SYNPR: variants seen among roughly 807,000 people sequenced by gnomAD.
SYNPR encodes synaptoporin.
In SYNPR, 23 loss-of-function variants were observed where a neutral mutation model predicts 32.9. That is an observed-to-expected ratio of 0.70 (90% CI 0.50 to 0.99). The LOEUF (loss-of-function observed/expected upper bound fraction) is 0.99, where lower values mean the gene tolerates loss of function less well. SYNPR is among the 50% of genes least tolerant of loss of function. SYNPR has a pLI of 0.00. For missense variants in SYNPR, 318 were observed against 349.3 expected (o/e 0.91, Z 0.71); for synonymous variants, 146 against 135.9 (o/e 1.07, Z -0.52).
At chr3:63,534,076 T>G (rs1702158619) in intron 3 of SYNPR, among the ~76,000 whole-genome samples, 1 of 152,206 alleles carries the variant, frequency 6.6e-6, no homozygotes, top group East Asian at 1.9e-4. Context: ...AACTTGAAGT[T>G]CAAGTACAAC....
intron 3 of SYNPR, among the ~76,000 whole-genome samples, chr3:63,518,420 C>T (rs1701839677): frequency 6.6e-6 from 1 of 151,958 alleles, no homozygotes; most frequent in South Asian, 2.1e-4. Context: ...TAACTGTGTC[C>T]CAGGCCTGGA....
intron 3 of SYNPR, among the ~76,000 whole-genome samples, chr3:63,511,020 A>G (rs1362653738): frequency 6.6e-6 from 1 of 151,100 alleles, no homozygotes; most frequent in Non-Finnish European, 1.5e-5. Flanking sequence ...TTGAAATGCA[A>G]ATTGCTGGAC....
At chr3:63,375,584 G>T (rs2087879002) in intron 2 of SYNPR, among the ~76,000 whole-genome samples, 1 of 152,096 alleles carries the variant, frequency 6.6e-6, no homozygotes, top group Non-Finnish European at 1.5e-5. Flanking sequence ...AGTAGGGGCT[G>T]GGGGAGGGAT....
At chr3:63,310,468 C>T (rs1472590206) in intron 2 of SYNPR, among the ~76,000 whole-genome samples, 1 of 151,932 alleles carries the variant, frequency 6.6e-6, no homozygotes, top group East Asian at 1.9e-4. Context: ...TTGGAAATCT[C>T]ATACTTTTAA....
the SYNPR span, among the ~76,000 whole-genome samples, chr3:63,202,578 T>G: frequency 0.79 from 120,004 of 152,066 alleles, 47,920 homozygotes; most frequent in Middle Eastern, 0.86. Flanking sequence ...CAAAAGTGGG[T>G]TGAGGATATG....
intron 3 of SYNPR, among the ~76,000 whole-genome samples, chr3:63,270,882 TCCTTCCTTCCTTCC>T (rs2086528490): frequency 5.5e-5 from 5 of 90,116 alleles, no homozygotes; most frequent in African/African-American, 1.9e-4. Context: ...CTTCCTTCCT[TCCTTCCTTCCTTCC>T]TTTTCTTTCC....
At chr3:63,240,752 G>A (rs566537387) in intron 1 of SYNPR, among the ~76,000 whole-genome samples, 1 of 152,224 alleles carries the variant, frequency 6.6e-6, no homozygotes, top group South Asian at 2.1e-4. Flanking sequence ...CATACTCTTT[G>A]TGTGAGTGAG....
At chr3:63,511,317 T>G (rs1178954996) in intron 3 of SYNPR, among the ~76,000 whole-genome samples, 3 of 152,086 alleles carry the variant, frequency 2.0e-5, no homozygotes, top group African/African-American at 7.2e-5. Context: ...GGAGTTCATA[T>G]CCAGCATAGT....
upstream of SYNPR, chr3:63,278,114 A>G (rs567496956): frequency 6.1e-6 from 1 of 162,706 alleles, no homozygotes; most frequent in South Asian, 2.0e-4. Flanking sequence ...TCCCAAACCA[A>G]CAGACCCAAA....
chr3:63,273,266 C>T (rs557168786), intron 3 of SYNPR, among the ~76,000 whole-genome samples: 160 of 152,170 alleles, frequency 1.1e-3, no homozygotes, highest in African/African-American at 3.2e-3. Flanking sequence ...TGGAAAGTTA[C>T]GGGAGTAGGA....
At chr3:63,475,645 T>G (rs954249152) in intron 2 of SYNPR, among the ~76,000 whole-genome samples, 4 of 152,156 alleles carry the variant, frequency 2.6e-5, no homozygotes, top group African/African-American at 9.7e-5. Flanking sequence ...AACTTGCTTA[T>G]AGTATTACAG....
chr3:63,225,728 T>C (rs970660603), upstream of SYNPR, among the ~76,000 whole-genome samples: 1 of 152,146 alleles, frequency 6.6e-6, no homozygotes, highest in Non-Finnish European at 1.5e-5. Flanking sequence ...ACAATTCCTA[T>C]TGGACATTGG....
At chr3:63,537,051 C>T (rs1345083346) in intron 3 of SYNPR, among the ~76,000 whole-genome samples, 1 of 151,968 alleles carries the variant, frequency 6.6e-6, no homozygotes, top group Non-Finnish European at 1.5e-5. Context: ...TACTAAAACT[C>T]TGTGAATACA....
chr3:63,410,052 T>A (rs1191295223), intron 2 of SYNPR, among the ~76,000 whole-genome samples: 2 of 152,122 alleles, frequency 1.3e-5, no homozygotes, highest in Non-Finnish European at 2.9e-5. Context: ...AAACACTTTG[T>A]TGTCTCAAGC....
chr3:63,327,071 T>C (rs1362848859), intron 2 of SYNPR, among the ~76,000 whole-genome samples: 1 of 152,036 alleles, frequency 6.6e-6, no homozygotes, highest in Non-Finnish European at 1.5e-5. Flanking sequence ...TGACTAGATA[T>C]ATATTAATTA....
At chr3:63,265,897 C>T (rs1451384174) in intron 2 of SYNPR, among the ~76,000 whole-genome samples, 3 of 152,154 alleles carry the variant, frequency 2.0e-5, no homozygotes, top group Non-Finnish European at 2.9e-5. Flanking sequence ...GACATATAGT[C>T]CATGTCCACT....
At chr3:63,365,798 A>C (rs755494976) in intron 2 of SYNPR, among the ~76,000 whole-genome samples, 3 of 152,210 alleles carry the variant, frequency 2.0e-5, no homozygotes, top group Non-Finnish European at 4.4e-5. Context: ...GGGATAGACA[A>C]AAACATTCTT....
At chr3:63,552,215 G>A (rs1702515846) in intron 3 of SYNPR, among the ~76,000 whole-genome samples, 2 of 152,036 alleles carry the variant, frequency 1.3e-5, no homozygotes, top group Admixed American at 6.6e-5. Flanking sequence ...GCTATTATGT[G>A]AACTATAAAG....
intron 2 of SYNPR, among the ~76,000 whole-genome samples, chr3:63,405,567 A>G (rs2088349059): frequency 6.6e-6 from 1 of 152,194 alleles, no homozygotes; most frequent in African/African-American, 2.4e-5. Context: ...TGTGTTAAAG[A>G]AAGAACCTAA....
Sources: gnomAD v4.1 joint callset for allele counts (sites outside exome capture counted in the v4.1 genomes callset) on GRCh38, gnomAD v4.1.1 for gene constraint, MANE v1.5 for transcripts, NCBI Gene and HGNC (gene_info 2026-07-23, HGNC 2026-07-21) for gene names.